CYP4Z1: variants seen among roughly 807,000 people sequenced by gnomAD.
CYP4Z1 encodes cytochrome P450 family 4 subfamily Z member 1.
Under a neutral mutation model 54.2 loss-of-function variants are expected in CYP4Z1, and 41 were observed. That is an observed-to-expected ratio of 0.76 (90% CI 0.59 to 0.98). The LOEUF (loss-of-function observed/expected upper bound fraction) is 0.98. CYP4Z1 is among the 50% of genes least tolerant of loss of function. The pLI, the probability that CYP4Z1 is intolerant of heterozygous loss-of-function variation, is 0.00. For missense variants in CYP4Z1, 513 were observed against 599.0 expected (o/e 0.86, Z 1.50); for synonymous variants, 163 against 206.2 (o/e 0.79, Z 1.79).
chr1:47,102,798 T>C (rs1245153677), intron 8 of CYP4Z1, among the ~76,000 whole-genome samples: 1 of 152,208 alleles, frequency 6.6e-6, no homozygotes, highest in East Asian at 1.9e-4. Flanking sequence ...TGTAATACGC[T>C]GTAGAGAAGA....
chr1:47,099,083 G>A lies in CYP4Z1; in HGVS notation c.877-11G>A. The A allele has an allele frequency of 1.2e-6, 2 of 1,614,000 alleles. No individual in the cohort carries two copies. The highest frequency in any genetic ancestry group is 1.3e-5 in the African/African-American group (1 of 75,034). On this transcript the variant is annotated splice_polypyrimidine_tract_variant and intron_variant, in intron 7 of 11. Coordinates refer to ENST00000334194, the MANE Select transcript of CYP4Z1 (RefSeq NM_178134.3). ...CCAGCTTTGGATAAAGATCATCACT[G>A]TATTTTTTAGAGCGAAAACACCAAA...
At chr1:47,058,911 C>T in the CYP4Z1 span, among the ~76,000 whole-genome samples, 1 of 152,128 alleles carries the variant, frequency 6.6e-6, no homozygotes, top group Non-Finnish European at 1.5e-5. Context: ...ATTTATCTTT[C>T]ATGACAAGTA....
At chr1:47,117,138 ACAC>A (rs1644836036) in intron 11 of CYP4Z1, among the ~76,000 whole-genome samples, 1 of 152,140 alleles carries the variant, frequency 6.6e-6, no homozygotes, top group South Asian at 2.1e-4. Flanking sequence ...GGTATGAGAG[ACAC>A]CCGATTTACC....
the CYP4Z1 span, among the ~76,000 whole-genome samples, chr1:47,060,829 A>C: frequency 6.6e-6 from 1 of 152,206 alleles, no homozygotes; most frequent in Non-Finnish European, 1.5e-5. Flanking sequence ...GCAAATGCAA[A>C]AGAACCAAAA....
At chr1:47,099,639 T>C (rs1423064934) in intron 8 of CYP4Z1, among the ~76,000 whole-genome samples, 1 of 152,106 alleles carries the variant, frequency 6.6e-6, no homozygotes, top group Non-Finnish European at 1.5e-5. Flanking sequence ...CTCCAGCTTT[T>C]ACCACCTTAG....
Position 47,084,675 on chromosome 1 carries a change from T to G in CYP4Z1, c.548T>G (p.Val183Gly). ...QNSRLELFQH[V>G]SLMTLDSIMK... Reference sequence around the variant, plus strand: ...TCACGTCTGGAGCTCTTTCAACATGTCTCCCTGATGACCCTGGACAGCATC... The same window carrying G: ...TCACGTCTGGAGCTCTTTCAACATGGCTCCCTGATGACCCTGGACAGCATC... The change falls in exon 5 of 12, where the codon GTC (valine) becomes GGC (glycine). Residue 183 changes from valine (V) to glycine (G), a missense_variant. Transcript: ENST00000334194. 1 of 1,608,138 alleles carries G rather than the reference T, an allele frequency of 6.2e-7. No homozygotes were observed. Among genetic ancestry groups the G allele is most frequent in the South Asian group, 1.1e-5 (1 of 89,946 alleles).
chr1:47,082,221 G>C, intron 3 of CYP4Z1, 113 bp from the exon 4 acceptor site: 1 of 1,327,982 alleles, frequency 7.5e-7, no homozygotes, highest in Admixed American at 2.6e-5. Context: ...TCAAAGCTCT[G>C]TCCACTCTAA....
upstream of CYP4Z1, among the ~76,000 whole-genome samples, chr1:47,066,663 G>A (rs1199290761): frequency 6.6e-6 from 1 of 152,144 alleles, no homozygotes; most frequent in Non-Finnish European, 1.5e-5. Flanking sequence ...CCTAGCCAGA[G>A]CAATCAGACA....
chr1:47,083,137 A>T (rs1644567730), intron 4 of CYP4Z1, among the ~76,000 whole-genome samples: 1 of 152,052 alleles, frequency 6.6e-6, no homozygotes, highest in African/African-American at 2.4e-5. Context: ...CTAAGATCCC[A>T]GGCATGGAGT....
intron 7 of CYP4Z1, among the ~76,000 whole-genome samples, chr1:47,096,357 C>T (rs1211922871): frequency 6.6e-6 from 1 of 152,202 alleles, no homozygotes; most frequent in Non-Finnish European, 1.5e-5. Flanking sequence ...CAAAGCTAAT[C>T]ATGCCACTGC....
At chr1:47,084,524 T>C in intron 4 of CYP4Z1, 96 bp from the exon 5 acceptor site, 2 of 1,548,752 alleles carry the variant, frequency 1.3e-6, no homozygotes, top group Non-Finnish European at 1.7e-6. Flanking sequence ...CGCTTTATAT[T>C]TTCAAACCCA....
chr1:47,074,047 AT>A (rs1179893866), intron 2 of CYP4Z1, among the ~76,000 whole-genome samples: 1 of 151,630 alleles, frequency 6.6e-6, no homozygotes, highest in African/African-American at 2.4e-5. Context: ...ACCCTCCCCT[AT>A]TTTTTCTTCT....
At chr1:47,115,152 C>T (rs546532881) in intron 9 of CYP4Z1, among the ~76,000 whole-genome samples, 10 of 152,112 alleles carry the variant, frequency 6.6e-5, no homozygotes, top group South Asian at 2.1e-4. Flanking sequence ...TGTAGGGACA[C>T]GGATGAAGCT....
chr1:47,076,686 A>C (rs1365856239), intron 2 of CYP4Z1, among the ~76,000 whole-genome samples: 2 of 150,946 alleles, frequency 1.3e-5, no homozygotes, highest in Non-Finnish European at 2.9e-5. Context: ...TCTACTAAAA[A>C]TACAAAAAAT....
intron 9 of CYP4Z1, among the ~76,000 whole-genome samples, chr1:47,106,746 TAG>T (rs199771793): frequency 6.6e-6 from 1 of 152,168 alleles, no homozygotes; most frequent in Non-Finnish European, 1.5e-5. Flanking sequence ...AGCCAGATCA[TAG>T]AGTTTTCTGA....
intron 8 of CYP4Z1, among the ~76,000 whole-genome samples, chr1:47,101,001 A>C (rs1557631255): frequency 6.6e-6 from 1 of 152,188 alleles, no homozygotes; most frequent in Non-Finnish European, 1.5e-5. Context: ...GAACGTTTCC[A>C]GGAATTTATC....
chr1:47,083,310 G>C (rs571112041), intron 4 of CYP4Z1, among the ~76,000 whole-genome samples: 1 of 152,120 alleles, frequency 6.6e-6, no homozygotes, highest in Non-Finnish European at 1.5e-5. Context: ...TCGTCACCAT[G>C]CCCACGTCCC....
intron 4 of CYP4Z1, 32 bp downstream of exon 4, chr1:47,082,493 C>T (rs1444511614): frequency 6.3e-7 from 1 of 1,588,012 alleles, no homozygotes; most frequent in Non-Finnish European, 8.6e-7. Flanking sequence ...CGTACCTGGC[C>T]TCTGAAGTGA....
Position 47,117,768 on chromosome 1 carries a change from A to C in CYP4Z1, c.1352A>C (p.Asn451Thr), listed in dbSNP as rs1204320599. The C allele has an allele frequency of 6.2e-7, 1 of 1,610,010 alleles. No homozygotes were observed. The highest frequency in any genetic ancestry group is 8.5e-7 in the Non-Finnish European group (1 of 1,178,036). The change falls in exon 12 of 12, where the codon AAC becomes ACC. Residue 451 changes from asparagine (N) to threonine (T), a missense_variant and splice_region_variant. By Grantham distance (65) the Asn-to-Thr change is moderately conservative (BLOSUM62 0). Transcript: ENST00000334194. Reference sequence around the variant, plus strand: ...GTTTTCTTTCTTGGTATCCCCAGGAACTGCATTGGGCAGCATTTTGCCATA... The same window carrying C: ...GTTTTCTTTCTTGGTATCCCCAGGACCTGCATTGGGCAGCATTTTGCCATA... ...AFIPFSAGLR[N>T]CIGQHFAIIE... is the part of the protein sequence containing the mutation.
Sources: allele counts gnomAD v4.1 joint callset (sites outside exome capture counted in the v4.1 genomes callset), GRCh38; gene constraint gnomAD v4.1.1; transcripts MANE v1.5; gene names NCBI Gene and HGNC (gene_info 2026-07-23, HGNC 2026-07-21).